CLEC16A: variants seen among roughly 807,000 people sequenced by gnomAD.
CLEC16A encodes protein CLEC16A.
In CLEC16A, 51 loss-of-function variants were observed where a neutral mutation model predicts 109.5. The ratio of observed to expected loss-of-function variants is 0.47; its 90% CI spans 0.37 to 0.59. The LOEUF (loss-of-function observed/expected upper bound fraction) is 0.59. Among genes scored for constraint, CLEC16A ranks in the 20% least tolerant of loss-of-function variants. The pLI is 0.00. For missense variants in CLEC16A, 1,339 were observed against 1,394.0 expected, an observed-to-expected ratio of 0.96 and a Z score of 0.63; for synonymous variants, 673 against 564.2, an observed-to-expected ratio of 1.19 and a Z score of -2.73.
At chr16:11,115,980 A>G (rs998469972) in intron 19 of CLEC16A, among the ~76,000 whole-genome samples, 1 of 151,514 alleles carries the variant, frequency 6.6e-6, no homozygotes. Flanking sequence ...CATAGTGCTG[A>G]GATTACAGGC....
intron 11 of CLEC16A, among the ~76,000 whole-genome samples, chr16:11,015,252 A>G (rs1326991882): frequency 2.6e-5 from 4 of 152,108 alleles, no homozygotes; most frequent in African/African-American, 9.7e-5. Context: ...CACAGGTGTC[A>G]CAGCCAGGGT....
At chr16:11,006,577 T>C (rs1184842663) in intron 11 of CLEC16A, among the ~76,000 whole-genome samples, 3 of 152,188 alleles carry the variant, frequency 2.0e-5, no homozygotes, top group Non-Finnish European at 2.9e-5. Flanking sequence ...CTGCATACCC[T>C]GCCAATCCCA....
At chr16:11,098,453 A>T (rs1301212302) in intron 19 of CLEC16A, among the ~76,000 whole-genome samples, 1 of 152,172 alleles carries the variant, frequency 6.6e-6, no homozygotes, top group Non-Finnish European at 1.5e-5. Context: ...ACCTTCAAGA[A>T]CTGTCAGCCT....
intron 3 of CLEC16A, among the ~76,000 whole-genome samples, 191 bp downstream of exon 3, chr16:10,962,779 C>A (rs1171159503): frequency 2.6e-5 from 4 of 152,154 alleles, no homozygotes; most frequent in Non-Finnish European, 1.5e-5. Flanking sequence ...CCAAGATTGG[C>A]CAGGCATGGT....
intron 22 of CLEC16A, among the ~76,000 whole-genome samples, chr16:11,132,070 G>A (rs1372028976): frequency 1.3e-5 from 2 of 152,174 alleles, no homozygotes; most frequent in African/African-American, 4.8e-5. Flanking sequence ...GTTTTTAATT[G>A]AGGTGAAATT....
At chr16:11,016,000 C>G (rs1184657636) in intron 11 of CLEC16A, among the ~76,000 whole-genome samples, 1 of 152,146 alleles carries the variant, frequency 6.6e-6, no homozygotes, top group Non-Finnish European at 1.5e-5. Flanking sequence ...GATGGCAAGC[C>G]TTGTTAGTAA....
intron 2 of CLEC16A, among the ~76,000 whole-genome samples, chr16:10,958,477 C>G (rs1223644868): frequency 6.6e-6 from 1 of 152,192 alleles, no homozygotes; most frequent in Non-Finnish European, 1.5e-5. Context: ...AGTCCTCAGC[C>G]AGGCTCTTCA....
intron 22 of CLEC16A, chr16:11,149,939 C>T (rs1422220306): frequency 6.6e-6 from 1 of 152,198 alleles, no homozygotes; most frequent in Non-Finnish European, 1.5e-5. Context: ...ATGAACAGAA[C>T]AGAGCCACCA....
At chr16:10,971,279 C>A in intron 5 of CLEC16A, 49 bp downstream of exon 5, 1 of 1,317,148 alleles carries the variant, frequency 7.6e-7, no homozygotes, top group Non-Finnish European at 1.1e-6. Flanking sequence ...GACTTGGCAG[C>A]AAGCACTCAC....
chr16:11,077,088 T>A (rs1361303576), intron 19 of CLEC16A, among the ~76,000 whole-genome samples: 1 of 152,200 alleles, frequency 6.6e-6, no homozygotes, highest in Non-Finnish European at 1.5e-5. Context: ...CTTAGGCCTG[T>A]AATCCCAGGA....
rs540807742 is a variant in CLEC16A at position 10,948,076 on chromosome 16, G to A, written c.80+3279G>A. 3.9e-5 allele frequency among the ~76,000 whole-genome samples: 6 copies of A among 152,216 alleles called. No individual in the cohort carries two copies. The East Asian group carries it at 7.7e-4, about 20-fold the overall frequency. The stretch of plus-strand genomic sequence containing the variant: ...GCCCAGCTAATTTTTTGTATTTTTA[G>A]TAGAGACGGGGTTTCACCGTGTTAG... On this transcript the variant is annotated intron_variant, in intron 1 of 23. Transcript: ENST00000409790.
chr16:11,167,179 G>A (rs373402990), intron 23 of CLEC16A, among the ~76,000 whole-genome samples: 80 of 152,214 alleles, frequency 5.3e-4, no homozygotes, highest in African/African-American at 1.9e-3. Flanking sequence ...GCTATTCGCT[G>A]TGTGAGATGT....
At chr16:11,088,977 C>T (rs2050158253) in intron 19 of CLEC16A, among the ~76,000 whole-genome samples, 1 of 152,212 alleles carries the variant, frequency 6.6e-6, no homozygotes, top group Non-Finnish European at 1.5e-5. Context: ...TTTCCCCAGC[C>T]ACCCACAGTA....
chr16:11,140,551 C>G (rs1388115413), intron 22 of CLEC16A, among the ~76,000 whole-genome samples: 7 of 152,172 alleles, frequency 4.6e-5, no homozygotes, highest in Non-Finnish European at 1.0e-4. Flanking sequence ...CCATCCTGCC[C>G]TCTCTCCACA....
At chr16:11,015,357 C>A (rs2045683435) in intron 11 of CLEC16A, among the ~76,000 whole-genome samples, 1 of 152,106 alleles carries the variant, frequency 6.6e-6, no homozygotes, top group Admixed American at 6.5e-5. Context: ...GGGAGCGGTC[C>A]TGGCTTTGCT....
intron 19 of CLEC16A, among the ~76,000 whole-genome samples, chr16:11,069,517 C>T (rs2048947223): frequency 1.3e-5 from 2 of 152,106 alleles, no homozygotes; most frequent in Non-Finnish European, 1.5e-5. Context: ...TCATTGCCGC[C>T]TCCAACTCCC....
chr16:11,033,248 A>G lies in CLEC16A; in HGVS notation c.1538-6506A>G, dbSNP rs575829295. On this transcript the variant is annotated intron_variant, in intron 13 of 23. Coordinates refer to ENST00000409790, the MANE Select transcript of CLEC16A (RefSeq NM_015226.3). Reference sequence around the variant, plus strand: ...GTGCATTTACTAGGATGAGGAGACAAGGAGAGTCACTAGGCTAGGGGTGAG... The same window carrying G: ...GTGCATTTACTAGGATGAGGAGACAGGGAGAGTCACTAGGCTAGGGGTGAG... Among the ~76,000 whole-genome samples, 4 of 152,192 alleles carry G rather than the reference A, an allele frequency of 2.6e-5. No individual in the cohort carries two copies. In the South Asian group the frequency reaches 6.2e-4, roughly 24 times the overall value.
chr16:11,126,709 G>C (rs560310078), intron 22 of CLEC16A: 1 of 165,674 alleles, frequency 6.0e-6, no homozygotes, highest in African/African-American at 2.4e-5. Context: ...AGAGTGGAAA[G>C]GACCACTTCT....
At chr16:10,984,757 C>G (rs747122996) in intron 10 of CLEC16A, among the ~76,000 whole-genome samples, 1 of 152,172 alleles carries the variant, frequency 6.6e-6, no homozygotes, top group African/African-American at 2.4e-5. Flanking sequence ...ATGTAAGTCA[C>G]GGAAGGCTGA....
Sources: allele counts gnomAD v4.1 joint callset (sites outside exome capture counted in the v4.1 genomes callset), GRCh38; gene constraint gnomAD v4.1.1; transcripts MANE v1.5; gene names NCBI Gene and HGNC (gene_info 2026-07-23, HGNC 2026-07-21).